The following PDE1A variants were observed in gnomAD, a reference collection of about 807,000 sequenced individuals.
PDE1A encodes phosphodiesterase 1A.
Under a neutral mutation model 61.7 loss-of-function variants are expected in PDE1A, and 35 were observed. The observed-to-expected ratio is 0.57, with a 90% CI of 0.43 to 0.75. The LOEUF (loss-of-function observed/expected upper bound fraction) is 0.75. Among genes scored for constraint, PDE1A ranks in the 30% least tolerant of loss-of-function variants. The pLI, the probability that PDE1A is intolerant of heterozygous loss-of-function variation, is 0.00. For synonymous variants in PDE1A, 232 were observed against 213.2 expected (o/e 1.09, Z -0.77); for missense variants, 597 against 630.6 (o/e 0.95, Z 0.57).
At chr2:182,293,550 C>T (rs754657839) in intron 1 of PDE1A, among the ~76,000 whole-genome samples, 83 of 152,008 alleles carry the variant, frequency 5.5e-4, no homozygotes, top group Admixed American at 3.2e-3. Flanking sequence ...CTTCCACGTA[C>T]ATCATGATAG....
In PDE1A at chr2:182,423,085, T is replaced by C. The variant is rs909878459; in HGVS notation, c.53+3493A>G. On this transcript the variant is annotated intron_variant, in intron 1 of 13. Coordinates refer to ENST00000351439, the Ensembl canonical transcript of PDE1A. Reference sequence around the variant, plus strand: ...CCATGCACATATGCTCAGGGCTGGATAGTCTCATTGATGCCACACTTCCAC... The same window carrying C: ...CCATGCACATATGCTCAGGGCTGGACAGTCTCATTGATGCCACACTTCCAC... Among the ~76,000 whole-genome samples the C allele has an allele frequency of 2.6e-5, 4 of 152,150 alleles. No individual in the cohort carries two copies. The East Asian group carries it at 7.7e-4, about 29-fold the overall frequency.
At position 182,447,809 on chromosome 2, in the gene PDE1A, T is replaced by A. The variant is rs116541683; in HGVS notation, c.101+74467A>T. On this transcript the variant is annotated intron_variant, in intron 2 of 14. Transcript: ENST00000410103. Reference sequence around the variant, plus strand: ...GATAATAAGTGATTTCTGAATTAATTAATTAATTAACTAATTAATATCAAA... The same window carrying A: ...GATAATAAGTGATTTCTGAATTAATAAATTAATTAACTAATTAATATCAAA... 8.6e-3 allele frequency among the ~76,000 whole-genome samples: 1,311 copies of A among 152,232 alleles called. 19 individuals are homozygous for A. The highest frequency in any genetic ancestry group is 0.03 in the African/African-American group (1,233 of 41,568).
chr2:182,169,030 T>C (rs1052735632), intron 13 of PDE1A, among the ~76,000 whole-genome samples: 6 of 151,828 alleles, frequency 4.0e-5, no homozygotes, highest in African/African-American at 1.5e-4. Flanking sequence ...CAAGTTATAA[T>C]CATGCGCAAT....
At chr2:182,293,014 G>C (rs577230789) in intron 1 of PDE1A, among the ~76,000 whole-genome samples, 1 of 152,152 alleles carries the variant, frequency 6.6e-6, no homozygotes, top group South Asian at 2.1e-4. Flanking sequence ...TACAGTGAAA[G>C]GGATACATCT....
At chr2:182,622,875 C>T in the PDE1A span, among the ~76,000 whole-genome samples, 1 of 152,120 alleles carries the variant, frequency 6.6e-6, no homozygotes. Context: ...AGGACATATT[C>T]AGAGATGGAG....
At chr2:182,436,886 C>T (rs2125658783) in intron 2 of PDE1A, among the ~76,000 whole-genome samples, 1 of 152,084 alleles carries the variant, frequency 6.6e-6, no homozygotes, top group East Asian at 1.9e-4. Flanking sequence ...ATTGCACTGC[C>T]TCTCCATGAT....
chr2:182,690,190 A>G, the PDE1A span, among the ~76,000 whole-genome samples: 1 of 152,250 alleles, frequency 6.6e-6, no homozygotes, highest in Non-Finnish European at 1.5e-5. Context: ...TGAGGCCAGC[A>G]TCATCCTGAT....
rs1206837171 is a variant in PDE1A, at chr2:182,517,459, C to A, written c.101+4817G>T. Among the ~76,000 whole-genome samples the A allele has an allele frequency of 2.5e-4, 38 of 152,124 alleles. 1 individual carries two copies. The highest frequency in any genetic ancestry group is 2.5e-3 in the Admixed American group (38 of 15,266). ...CCAGTATAAGATTCAGAATTTTATT[C>A]ATTCATTGACTTAAAATATTAATTG... is the stretch of plus-strand genomic sequence containing the variant. On this transcript the variant is annotated intron_variant, in intron 2 of 14. Coordinates refer to the PDE1A transcript ENST00000410103.
chr2:182,506,530 C>A (rs1421362857), intron 2 of PDE1A, among the ~76,000 whole-genome samples: 1 of 152,118 alleles, frequency 6.6e-6, no homozygotes, highest in East Asian at 1.9e-4. Context: ...CTCATTTTTT[C>A]TTATCATTTA....
At chr2:182,183,198 T>C (rs1020190589) in intron 13 of PDE1A, among the ~76,000 whole-genome samples, 4 of 152,204 alleles carry the variant, frequency 2.6e-5, no homozygotes, top group African/African-American at 7.2e-5. Context: ...CTTCCTGCTA[T>C]AGTGATGTAA....
intron 1 of PDE1A, among the ~76,000 whole-genome samples, chr2:182,397,501 G>C (rs1444281209): frequency 6.6e-6 from 1 of 152,098 alleles, no homozygotes; most frequent in Non-Finnish European, 1.5e-5. Context: ...CTGAAAAAAA[G>C]TTATATATGA....
chr2:182,297,182 G>A (rs1694941920), intron 1 of PDE1A, among the ~76,000 whole-genome samples: 1 of 152,146 alleles, frequency 6.6e-6, no homozygotes, highest in South Asian at 2.1e-4. Flanking sequence ...CCATTGGATT[G>A]GTTAACTATA....
At chr2:182,714,338 G>T in the PDE1A span, among the ~76,000 whole-genome samples, 1 of 152,042 alleles carries the variant, frequency 6.6e-6, no homozygotes, top group Non-Finnish European at 1.5e-5. Flanking sequence ...GTGATCTGAT[G>T]ATTTTTCTCC....
chr2:182,646,391 CAAAAAAAAA>C, the PDE1A span, among the ~76,000 whole-genome samples: 1 of 107,292 alleles, frequency 9.3e-6, no homozygotes, highest in Non-Finnish European at 1.9e-5. Context: ...GGTGAAGGTT[CAAAAAAAAA>C]AAAAAAAAGC....
chr2:182,180,164 T>C (rs1684632278), intron 13 of PDE1A, among the ~76,000 whole-genome samples: 1 of 152,184 alleles, frequency 6.6e-6, no homozygotes, highest in East Asian at 1.9e-4. Flanking sequence ...ATCACTATGT[T>C]AGTAGATGCA....
chr2:182,683,757 A>G, the PDE1A span, among the ~76,000 whole-genome samples: 1 of 152,218 alleles, frequency 6.6e-6, no homozygotes, highest in African/African-American at 2.4e-5. Flanking sequence ...TTAGGTAAAG[A>G]CCTGAAAATC....
At chr2:182,529,491 G>A in the PDE1A span, among the ~76,000 whole-genome samples, 3 of 152,190 alleles carry the variant, frequency 2.0e-5, no homozygotes, top group Admixed American at 6.5e-5. Flanking sequence ...TGTCTCAGAT[G>A]AGACTTTGGA....
chr2:182,526,955 T>C (rs1454080248), upstream of PDE1A, among the ~76,000 whole-genome samples: 1 of 151,724 alleles, frequency 6.6e-6, no homozygotes, highest in African/African-American at 2.4e-5. Flanking sequence ...TTTTCTTTTT[T>C]CAGGTATTGT....
rs182398033 is a variant in PDE1A at position 182,154,009 on chromosome 2, G to T, written c.1517-6857C>A. 1.1e-4 allele frequency among the ~76,000 whole-genome samples: 16 copies of T among 152,094 alleles called. No homozygotes were observed. In the East Asian group the frequency reaches 2.9e-3, roughly 28 times the overall value. On this transcript the variant is annotated intron_variant, in intron 13 of 13. Transcript: ENST00000409365. ...TAGGACAAATTAACTGTAGAATATT[G>T]ATTTTAACTATCTACCTAAGTGAGT...
Sources: allele counts gnomAD v4.1 joint callset (sites outside exome capture counted in the v4.1 genomes callset), GRCh38; gene constraint gnomAD v4.1.1; transcripts MANE v1.5; gene names NCBI Gene and HGNC (gene_info 2026-07-23, HGNC 2026-07-21).